CLYBL: variants seen among roughly 807,000 people sequenced by gnomAD.
CLYBL encodes citramalyl-CoA lyase.
CLYBL carries 31 observed loss-of-function variants against 38.9 expected under a neutral mutation model. That is an observed-to-expected ratio of 0.80 (90% CI 0.60 to 1.08). The LOEUF is 1.08. CLYBL is among the 50% of genes least tolerant of loss of function. CLYBL has a pLI of 0.00. For missense variants in CLYBL, 434 were observed against 411.6 expected, an observed-to-expected ratio of 1.05 and a Z score of -0.47; for synonymous variants, 171 against 158.6, an observed-to-expected ratio of 1.08 and a Z score of -0.59.
At chr13:99,616,847 T>G (rs1298837848) in intron 1 of CLYBL, among the ~76,000 whole-genome samples, 1 of 152,048 alleles carries the variant, frequency 6.6e-6, no homozygotes, top group African/African-American at 2.4e-5. Context: ...TCCCAGCTAC[T>G]CAGGAGACTG....
At chr13:99,795,435 C>T (rs1386621388) in intron 2 of CLYBL, among the ~76,000 whole-genome samples, 5 of 152,082 alleles carry the variant, frequency 3.3e-5, no homozygotes, top group East Asian at 1.9e-4. Flanking sequence ...GGGAGGATCA[C>T]TTGAGGCCAG....
intron 1 of CLYBL, among the ~76,000 whole-genome samples, chr13:99,657,139 C>G (rs553782060): frequency 1.3e-5 from 2 of 152,158 alleles, no homozygotes; most frequent in South Asian, 4.1e-4. Context: ...AACAGTGCTC[C>G]GAGCCCCACT....
chr13:99,784,443 T>TTCTCTC (rs1397745806), intron 2 of CLYBL, among the ~76,000 whole-genome samples: 2 of 101,396 alleles, frequency 2.0e-5, no homozygotes, highest in African/African-American at 9.2e-5. Context: ...TTCTGGAAAA[T>TTCTCTC]TCTCTCTTTT....
Position 99,862,977 on chromosome 13 carries a change from A to T in CLYBL, c.439-14A>T. 1 of 1,527,794 alleles carries T rather than the reference A, an allele frequency of 6.5e-7. No homozygotes were observed. The highest frequency in any genetic ancestry group is 1.1e-5 in the South Asian group (1 of 88,242). The allele number at this position is 1,527,794 out of a possible 1,614,324, so 94.6% of individuals were successfully genotyped here. A position where few individuals can be genotyped will look rare whatever the true frequency, so the allele number is the denominator to read the frequency against. ...TTTTTCCCCACTAATCACCTATGAC[A>T]CTTCTGATTTTAGTTTGCAGACAAA... On this transcript the variant is annotated splice_polypyrimidine_tract_variant and intron_variant, in intron 3 of 8. Transcript: ENST00000339105.
At chr13:99,687,789 T>C (rs2047839831) in intron 1 of CLYBL, among the ~76,000 whole-genome samples, 1 of 152,336 alleles carries the variant, frequency 6.6e-6, no homozygotes, top group African/African-American at 2.4e-5. Context: ...TTGTTAGTTA[T>C]GTGAGAATAT....
intron 1 of CLYBL, among the ~76,000 whole-genome samples, chr13:99,695,530 T>C (rs568652038): frequency 3.4e-4 from 51 of 152,236 alleles, no homozygotes; most frequent in African/African-American, 1.2e-3. Context: ...TTTTTTCCTT[T>C]TTGTTTTGAG....
At chr13:99,676,212 CCTTCCTTCCTTCCTTCCTTCCTTCCTTT>C (rs1303324352) in intron 1 of CLYBL, among the ~76,000 whole-genome samples, 1 of 145,978 alleles carries the variant, frequency 6.9e-6, no homozygotes, top group Non-Finnish European at 1.5e-5. Context: ...TTCCTTCCTT[CCTTCCTTCCTTCCTTCCTTCCTTCCTTT>C]CCTCCCTTTC....
chr13:99,710,880 C>CTTT lies in CLYBL; in HGVS notation c.63-61944_63-61943insTTT, dbSNP rs1566297319. Among the ~76,000 whole-genome samples, 17 of 134,890 alleles carry CTTT rather than the reference C, an allele frequency of 1.3e-4. No individual in the cohort carries two copies. In the South Asian group the frequency reaches 2.8e-3, roughly 22 times the overall value. 88.5% of individuals were successfully genotyped at this position (134,890 alleles called of 152,430 possible). On this transcript the variant is annotated intron_variant, in intron 1 of 8. Transcript: ENST00000339105. ...TCCTGGCTTCTCTTAGTTTCTAACC[C>CTTT]CTTTTTTTTTTTTTTTTTTTTTTTG... is the stretch of plus-strand genomic sequence containing the variant.
intron 1 of CLYBL, among the ~76,000 whole-genome samples, chr13:99,760,200 GTCT>G (rs2049139359): frequency 6.6e-6 from 1 of 152,050 alleles, no homozygotes; most frequent in South Asian, 2.1e-4. Flanking sequence ...AGTAATTTGA[GTCT>G]TCTTTTTTCT....
chr13:99,611,437 G>A (rs991270880), intron 1 of CLYBL, among the ~76,000 whole-genome samples: 1 of 151,996 alleles, frequency 6.6e-6, no homozygotes, highest in Non-Finnish European at 1.5e-5. Flanking sequence ...GTGTTAATAC[G>A]GTAAATTACA....
intron 1 of CLYBL, among the ~76,000 whole-genome samples, chr13:99,707,290 G>A (rs1377724473): frequency 6.6e-6 from 1 of 151,932 alleles, no homozygotes; most frequent in Non-Finnish European, 1.5e-5. Flanking sequence ...TTATTTTTGA[G>A]ACAGAGTCTT....
chr13:99,606,750 C>T lies in CLYBL; in HGVS notation c.55C>T (p.Leu19=), dbSNP rs367606090. 2.6e-3 allele frequency: 3,869 copies of T among 1,481,666 alleles called. 7 individuals carry two copies. Among genetic ancestry groups the T allele is most frequent in the Non-Finnish European group, 2.9e-3 (3,272 of 1,121,470 alleles). The allele number at this position is 1,481,666 out of a possible 1,614,324, so 91.8% of individuals were successfully genotyped here. ...GCGCGGAGCTGCGGCGGCGGCGCTGCTGAGGCTGTGAGTGCAGGTCCCCGT... is the reference window on the plus strand; with the variant it reads ...GCGCGGAGCTGCGGCGGCGGCGCTGTTGAGGCTGTGAGTGCAGGTCCCCGT... The part of the protein sequence containing the change: ...AARGAAAAAL[L]RLKASLAADI... The change falls in exon 1 of 9, where the codon CTG becomes TTG. Residue 19 remains leucine, a synonymous_variant. Coordinates refer to ENST00000339105, the MANE Select transcript of CLYBL (RefSeq NM_206808.5).
At chr13:99,626,325 C>T (rs1262288236) in intron 1 of CLYBL, among the ~76,000 whole-genome samples, 1 of 152,202 alleles carries the variant, frequency 6.6e-6, no homozygotes, top group East Asian at 1.9e-4. Flanking sequence ...CTGGGCATGA[C>T]GTTGAGAGCG....
rs113005166 is a variant in CLYBL, at chr13:99,830,109, C to T, written c.250-28752C>T. On this transcript the variant is annotated intron_variant, in intron 2 of 8. Coordinates refer to ENST00000339105, the MANE Select transcript of CLYBL (RefSeq NM_206808.5). ...GAGTGACCTTCAGTCATTTGTTGAT[C>T]TCTCTCTCGGACTTTTGTCTCCTTG... 4.3e-3 allele frequency among the ~76,000 whole-genome samples: 662 copies of T among 152,274 alleles called. 9 individuals carry two copies. The highest frequency in any genetic ancestry group is 0.015 in the African/African-American group (625 of 41,544).
At chr13:99,685,502 C>T (rs7999987) in intron 1 of CLYBL, among the ~76,000 whole-genome samples, 10,143 of 152,170 alleles carry the variant, frequency 0.067, 1,145 homozygotes, top group African/African-American at 0.23. Context: ...TTCACTATAA[C>T]CACATACAAT....
intron 3 of CLYBL, among the ~76,000 whole-genome samples, chr13:99,861,804 C>T (rs760817864): frequency 1.9e-4 from 29 of 151,960 alleles, no homozygotes; most frequent in Non-Finnish European, 4.0e-4. Context: ...GGTGGTGCAC[C>T]GGCAAGGAGG....
chr13:99,867,508 A>G (rs2051778070), intron 6 of CLYBL, among the ~76,000 whole-genome samples: 1 of 151,874 alleles, frequency 6.6e-6, no homozygotes, highest in African/African-American at 2.4e-5. Context: ...GACCCCCCCC[A>G]ATTTTTTAAA....
chr13:99,664,726 A>G (rs548932271), intron 1 of CLYBL, among the ~76,000 whole-genome samples: 1 of 152,328 alleles, frequency 6.6e-6, no homozygotes, highest in Non-Finnish European at 1.5e-5. Context: ...TAAAATGGCT[A>G]GAAAACACAA....
intron 1 of CLYBL, among the ~76,000 whole-genome samples, chr13:99,674,042 AC>A (rs1353468881): frequency 6.6e-6 from 1 of 151,060 alleles, no homozygotes; most frequent in African/African-American, 2.4e-5. Context: ...TAAATGGAGC[AC>A]GCTTTTGTTG....
Sources: gnomAD v4.1 joint callset for allele counts (sites outside exome capture counted in the v4.1 genomes callset) on GRCh38, gnomAD v4.1.1 for gene constraint, MANE v1.5 for transcripts, NCBI Gene and HGNC (gene_info 2026-07-23, HGNC 2026-07-21) for gene names.